Variants in CDK14 observed in about 807,000 individuals in gnomAD.
CDK14 encodes cyclin-dependent kinase 14.
CDK14 carries 34 observed loss-of-function variants against 60.7 expected under a neutral mutation model. The observed-to-expected ratio is 0.56, with a 90% CI of 0.43 to 0.75. CDK14 has a LOEUF of 0.75. Ranked by LOEUF, CDK14 falls within the 30% of genes least tolerant of loss-of-function variation. CDK14 has a pLI of 0.00. For missense variants in CDK14, 482 were observed against 564.1 expected (o/e 0.85, Z 1.47); for synonymous variants, 197 against 203.7 (o/e 0.97, Z 0.28).
At chr7:91,078,968 G>C (rs1304695829) in intron 11 of CDK14, among the ~76,000 whole-genome samples, 1 of 152,154 alleles carries the variant, frequency 6.6e-6, no homozygotes, top group Non-Finnish European at 1.5e-5. Context: ...ATAGGACCCT[G>C]GTAGTTTGGC....
chr7:91,104,325 G>T (rs1584064656), intron 12 of CDK14, among the ~76,000 whole-genome samples: 1 of 152,048 alleles, frequency 6.6e-6, no homozygotes, highest in Non-Finnish European at 1.5e-5. Context: ...AGCATCTCTG[G>T]GTAGGCTGGA....
intron 14 of CDK14, among the ~76,000 whole-genome samples, chr7:91,147,560 G>A (rs898043343): frequency 6.6e-6 from 1 of 152,160 alleles, no homozygotes; most frequent in African/African-American, 2.4e-5. Context: ...TACTGTCTCA[G>A]ATAACTCAGA....
At chr7:90,964,159 G>A (rs1794687457) in intron 9 of CDK14, among the ~76,000 whole-genome samples, 1 of 152,172 alleles carries the variant, frequency 6.6e-6, no homozygotes, top group Non-Finnish European at 1.5e-5. Context: ...TGTGTATAAG[G>A]TTGCAGTGGC....
intron 2 of CDK14, among the ~76,000 whole-genome samples, chr7:90,634,680 T>C (rs1021193008): frequency 6.6e-6 from 1 of 151,962 alleles, no homozygotes; most frequent in African/African-American, 2.4e-5. Flanking sequence ...ATGGTATTTC[T>C]AGTTCTAGAT....
intron 2 of CDK14, among the ~76,000 whole-genome samples, chr7:90,720,862 G>T (rs1330963376): frequency 6.6e-6 from 1 of 151,970 alleles, no homozygotes; most frequent in Non-Finnish European, 1.5e-5. Context: ...AACAGCCACG[G>T]TTACAGGATC....
intron 12 of CDK14, among the ~76,000 whole-genome samples, chr7:91,106,762 A>T (rs948776323): frequency 1.8e-4 from 27 of 152,160 alleles, no homozygotes; most frequent in African/African-American, 6.5e-4. Flanking sequence ...AAAGTATGGA[A>T]ATTTATTTTT....
intron 2 of CDK14, among the ~76,000 whole-genome samples, chr7:90,667,630 C>G (rs548279596): frequency 6.6e-6 from 1 of 150,960 alleles, no homozygotes; most frequent in African/African-American, 2.4e-5. Flanking sequence ...AGTACAGTGG[C>G]GCGGTCTCTG....
intron 10 of CDK14, among the ~76,000 whole-genome samples, chr7:91,045,604 A>G (rs534866745): frequency 6.6e-6 from 1 of 152,306 alleles, no homozygotes; most frequent in South Asian, 2.1e-4. Flanking sequence ...CAGCATGAAG[A>G]TGACAGCTCA....
chr7:91,039,072 ACT>A (rs1213394111), intron 10 of CDK14, among the ~76,000 whole-genome samples: 2 of 143,856 alleles, frequency 1.4e-5, no homozygotes, highest in Admixed American at 1.3e-4. Flanking sequence ...CTTTACACAC[ACT>A]CTCTTCTGTC....
intron 4 of CDK14, among the ~76,000 whole-genome samples, chr7:90,769,774 G>A (rs1273538448): frequency 1.3e-5 from 2 of 152,094 alleles, no homozygotes; most frequent in African/African-American, 2.4e-5. Flanking sequence ...GCTGACTTAG[G>A]TGATTGCTTA....
chr7:90,650,729 G>A (rs980661320), intron 2 of CDK14, among the ~76,000 whole-genome samples: 1 of 152,120 alleles, frequency 6.6e-6, no homozygotes, highest in Admixed American at 6.6e-5. Flanking sequence ...TTTCCCCATT[G>A]CTTATTTTTG....
intron 11 of CDK14, among the ~76,000 whole-genome samples, chr7:91,057,654 A>G (rs143146980): frequency 0.095 from 14,498 of 152,262 alleles, 1,215 homozygotes; most frequent in African/African-American, 0.22. Context: ...ACCATTTATT[A>G]AATAGGGAAT....
At chr7:90,774,678 T>C (rs534965483) in intron 4 of CDK14, among the ~76,000 whole-genome samples, 26 of 152,236 alleles carry the variant, frequency 1.7e-4, no homozygotes, top group Non-Finnish European at 3.2e-4. Context: ...TGAAATTTTC[T>C]TTCTTTATTC....
At chr7:91,145,052 G>A (rs1317283827) in intron 14 of CDK14, among the ~76,000 whole-genome samples, 1 of 152,160 alleles carries the variant, frequency 6.6e-6, no homozygotes, top group African/African-American at 2.4e-5. Context: ...TGAAGCTTAT[G>A]TGAGTTAAGC....
At chr7:90,935,556 A>C (rs1793724047) in intron 8 of CDK14, among the ~76,000 whole-genome samples, 1 of 152,222 alleles carries the variant, frequency 6.6e-6, no homozygotes, top group African/African-American at 2.4e-5. Flanking sequence ...TTTGCTTATT[A>C]TCTTATGATT....
At chr7:91,112,036 T>C (rs1799480726) in intron 12 of CDK14, among the ~76,000 whole-genome samples, 1 of 152,220 alleles carries the variant, frequency 6.6e-6, no homozygotes, top group Non-Finnish European at 1.5e-5. Context: ...ATAGTTGATA[T>C]TTGACAGGGC....
At chr7:90,902,808 G>A (rs1286423830) in intron 7 of CDK14, among the ~76,000 whole-genome samples, 3 of 152,042 alleles carry the variant, frequency 2.0e-5, no homozygotes, top group South Asian at 4.1e-4. Context: ...GATACAAGCT[G>A]TTGAATGGAA....
chr7:90,922,037 G>T (rs749697107), intron 8 of CDK14, among the ~76,000 whole-genome samples: 2 of 152,152 alleles, frequency 1.3e-5, no homozygotes, highest in Non-Finnish European at 2.9e-5. Flanking sequence ...TCTTTCAGAT[G>T]CAGAGTAGTG....
At chr7:90,659,441 T>G (rs1800817476) in intron 2 of CDK14, among the ~76,000 whole-genome samples, 1 of 152,200 alleles carries the variant, frequency 6.6e-6, no homozygotes, top group Admixed American at 6.5e-5. Flanking sequence ...TAGTACAGCT[T>G]CTTTTTGTTC....
Sources: gnomAD v4.1 joint callset for allele counts (sites outside exome capture counted in the v4.1 genomes callset) on GRCh38, gnomAD v4.1.1 for gene constraint, MANE v1.5 for transcripts, NCBI Gene and HGNC (gene_info 2026-07-23, HGNC 2026-07-21) for gene names.